The following SS18 variants were observed in gnomAD, a reference collection of about 807,000 sequenced individuals.
The protein encoded by SS18 is SS18 subunit of BAF chromatin remodeling complex.
A neutral mutation model predicts 72.5 loss-of-function variants in SS18; 28 were observed. The observed-to-expected ratio is 0.39, with a 90% CI of 0.29 to 0.53. The LOEUF is 0.53. Ranked by LOEUF, SS18 falls within the 20% of genes least tolerant of loss-of-function variation. The pLI is 0.76. For synonymous variants in SS18, 172 were observed against 164.2 expected, an observed-to-expected ratio of 1.05 and a Z score of -0.37; for missense variants, 518 against 535.3, an observed-to-expected ratio of 0.97 and a Z score of 0.32.
At chr18:26,045,081 T>C (rs182798740) in intron 5 of SS18, among the ~76,000 whole-genome samples, 44 of 152,338 alleles carry the variant, frequency 2.9e-4, no homozygotes, top group Non-Finnish European at 2.4e-4. Flanking sequence ...ATTACCTCCA[T>C]AGCTATCATA....
chr18:26,058,927 A>G (rs1744599414), intron 3 of SS18, among the ~76,000 whole-genome samples: 2 of 152,214 alleles, frequency 1.3e-5, no homozygotes, highest in Admixed American at 1.3e-4. Context: ...AATTTGAGTC[A>G]TATTATCTAA....
chr18:26,090,440 C>A (rs1284650326), intron 1 of SS18, 61 bp downstream of exon 1: 1 of 1,520,136 alleles, frequency 6.6e-7, no homozygotes, highest in East Asian at 2.5e-5. Context: ...GCCCTTCCCC[C>A]CGCGTCTGTC....
intron 6 of SS18, 114 bp downstream of exon 6, chr18:26,039,168 CAAAAAAA>C (rs34318951): frequency 5.4e-3 from 1,350 of 251,144 alleles, no homozygotes; most frequent in East Asian, 0.012. Flanking sequence ...TACCTTTTGT[CAAAAAAA>C]AAAAAAAAAA....
intron 2 of SS18, chr18:26,080,500 G>T: frequency 2.8e-6 from 1 of 358,572 alleles, no homozygotes; most frequent in Non-Finnish European, 3.9e-6. Context: ...CATCTAATCT[G>T]CCACACTCTT....
At chr18:26,021,570 A>C (rs1244775020) in intron 10 of SS18, among the ~76,000 whole-genome samples, 1 of 152,236 alleles carries the variant, frequency 6.6e-6, no homozygotes, top group Non-Finnish European at 1.5e-5. Context: ...AAAGAATTTT[A>C]ATGGGAAAGA....
intron 3 of SS18, among the ~76,000 whole-genome samples, chr18:26,072,295 AT>A (rs1394586802): frequency 6.6e-6 from 1 of 151,524 alleles, no homozygotes; most frequent in Non-Finnish European, 1.5e-5. Context: ...CAAATTAATT[AT>A]TGGCCGGGCA....
intron 1 of SS18, among the ~76,000 whole-genome samples, chr18:26,088,004 A>G (rs1415989832): frequency 4.6e-5 from 7 of 152,188 alleles, no homozygotes. Context: ...ATTTCTAGAA[A>G]TGTTTCATCT....
intron 3 of SS18, among the ~76,000 whole-genome samples, chr18:26,074,702 C>T (rs1034627706): frequency 6.6e-6 from 1 of 151,936 alleles, no homozygotes; most frequent in Admixed American, 6.6e-5. Flanking sequence ...ATATAACCTA[C>T]ATCAAGTTCT....
chr18:26,065,824 TGATC>T (rs2054205967), intron 3 of SS18, among the ~76,000 whole-genome samples: 1 of 136,734 alleles, frequency 7.3e-6, no homozygotes, highest in Non-Finnish European at 1.6e-5. Context: ...TATATATATA[TGATC>T]ATTTTAAAAT....
rs114086189 is a variant in SS18 at position 26,024,103 on chromosome 18, T to C, written c.1231-5723A>G. ...AACACCAGTCACAAAACTCCACATA[T>C]TGTATGATTCCATTTATCTTAAATG... On this transcript the variant is annotated intron_variant, in intron 10 of 10. Coordinates refer to ENST00000415083, the MANE Select transcript of SS18 (RefSeq NM_001007559.3). Among the ~76,000 whole-genome samples, 370 of 152,278 alleles carry C rather than the reference T, an allele frequency of 2.4e-3. 3 individuals carry two copies. Among genetic ancestry groups the C allele is most frequent in the African/African-American group, 8.2e-3 (342 of 41,570 alleles).
At chr18:26,027,671 T>TTA (rs1372303761) in intron 10 of SS18, among the ~76,000 whole-genome samples, 27 of 27,302 alleles carry the variant, frequency 9.9e-4, no homozygotes, top group African/African-American at 2.6e-3. Flanking sequence ...GAGACTCATC[T>TTA]AAAAAAAAAA....
At chr18:26,090,833 C>T (rs980041008), upstream of SS18, 4 of 533,026 alleles carry the variant, frequency 7.5e-6, no homozygotes, top group African/African-American at 7.9e-5. Context: ...CTTATGGGCA[C>T]CCCCTGGCCC....
chr18:26,035,249 G>T lies in SS18; in HGVS notation c.974-122C>A. ...TGAAATGCCATATTGATTTTTAGAAGTTAACAAAACAAAGAAAAAACTCAA... is the reference window on the plus strand; with the variant it reads ...TGAAATGCCATATTGATTTTTAGAATTTAACAAAACAAAGAAAAAACTCAA... On this transcript the variant is annotated intron_variant, in intron 8 of 10. Transcript: ENST00000415083. This position sits in a 1 kb window ranked among gnomAD's most constrained non-coding sequence, Gnocchi z 4.4. 1.6e-6 allele frequency: 2 copies of T among 1,236,076 alleles called. No homozygotes were observed. The highest frequency in any genetic ancestry group is 2.2e-6 in the Non-Finnish European group (2 of 912,436). 76.6% of individuals were successfully genotyped at this position (1,236,076 alleles called of 1,614,324 possible). A position where few individuals can be genotyped will look rare whatever the true frequency, so the allele number is the denominator to read the frequency against.
At chr18:26,080,257 G>T in intron 2 of SS18, 1 of 719,184 alleles carries the variant, frequency 1.4e-6, no homozygotes, top group African/African-American at 1.9e-5. Context: ...TCCATATCTT[G>T]CCATTTTTTA....
intron 3 of SS18, 25 bp from the exon 4 acceptor site, chr18:26,057,767 C>T: frequency 6.3e-7 from 1 of 1,574,806 alleles, no homozygotes; most frequent in Non-Finnish European, 8.6e-7. Flanking sequence ...TTTAGTAAAA[C>T]AAGAGAAACA....
chr18:26,067,503 G>A (rs1166381647), intron 3 of SS18, among the ~76,000 whole-genome samples: 1 of 152,144 alleles, frequency 6.6e-6, no homozygotes, highest in Non-Finnish European at 1.5e-5. Flanking sequence ...GTCCAAATGG[G>A]TATGTCTATT....
chr18:26,021,954 C>T (rs1465985791), intron 10 of SS18, among the ~76,000 whole-genome samples: 1 of 152,122 alleles, frequency 6.6e-6, no homozygotes, highest in Non-Finnish European at 1.5e-5. Context: ...TGGGAGTCAA[C>T]AGCATGGTGA....
intron 2 of SS18, among the ~76,000 whole-genome samples, chr18:26,082,882 A>G (rs1052108527): frequency 6.6e-6 from 1 of 151,426 alleles, no homozygotes; most frequent in Non-Finnish European, 1.5e-5. Flanking sequence ...TTTTTAATTT[A>G]AAAAAAAACA....
intron 2 of SS18, among the ~76,000 whole-genome samples, chr18:26,085,646 T>G (rs2054602379): frequency 6.6e-6 from 1 of 152,198 alleles, no homozygotes; most frequent in Admixed American, 6.5e-5. Flanking sequence ...GGATACATAC[T>G]AAAGCACTAG....
Sources: gnomAD v4.1 joint callset for allele counts (sites outside exome capture counted in the v4.1 genomes callset) on GRCh38, gnomAD v4.1.1 for gene constraint, Gnocchi (gnomAD v3.1) non-coding constraint, MANE v1.5 for transcripts, NCBI Gene and HGNC (gene_info 2026-07-23, HGNC 2026-07-21) for gene names.